KLHL32: variants seen among roughly 807,000 people sequenced by gnomAD.
The protein encoded by KLHL32 is kelch-like protein 32.
KLHL32 carries 35 observed loss-of-function variants against 64.8 expected under a neutral mutation model. The ratio of observed to expected loss-of-function variants is 0.54; its 90% CI spans 0.41 to 0.72. The LOEUF is 0.72. Among genes scored for constraint, KLHL32 ranks in the 30% least tolerant of loss-of-function variants. KLHL32 has a pLI of 0.00. For missense variants in KLHL32, 589 were observed against 768.5 expected (o/e 0.77, Z 2.76); for synonymous variants, 259 against 281.0 (o/e 0.92, Z 0.78).
intron 6 of KLHL32, among the ~76,000 whole-genome samples, chr6:97,111,036 G>C (rs1737132): frequency 8.6e-5 from 13 of 150,808 alleles, no homozygotes; most frequent in East Asian, 3.9e-4. Flanking sequence ...GTCTTGGGGG[G>C]GGGGGGTCTT....
chr6:96,991,259 A>G (rs1306987064), intron 3 of KLHL32, among the ~76,000 whole-genome samples: 1 of 151,994 alleles, frequency 6.6e-6, no homozygotes, highest in East Asian at 1.9e-4. Flanking sequence ...AGCCACTAGC[A>G]GTGGAAATGC....
At chr6:97,017,014 T>G (rs1410008851) in intron 3 of KLHL32, among the ~76,000 whole-genome samples, 5 of 152,198 alleles carry the variant, frequency 3.3e-5, no homozygotes, top group Non-Finnish European at 7.3e-5. Flanking sequence ...TGTGAGTCAA[T>G]TAAACCTCTT....
chr6:97,097,193 C>T (rs1476004693), intron 6 of KLHL32, among the ~76,000 whole-genome samples: 1 of 152,112 alleles, frequency 6.6e-6, no homozygotes, highest in East Asian at 1.9e-4. Context: ...TCATTTGCAC[C>T]AATCATGCCT....
At chr6:96,931,232 A>T (rs1769843011) in intron 1 of KLHL32, among the ~76,000 whole-genome samples, 2 of 152,136 alleles carry the variant, frequency 1.3e-5, no homozygotes, top group Admixed American at 6.5e-5. Flanking sequence ...CTGCACCACG[A>T]CCTCACTCAT....
chr6:96,991,212 T>A (rs1020308752), intron 3 of KLHL32, among the ~76,000 whole-genome samples: 2 of 151,958 alleles, frequency 1.3e-5, no homozygotes, highest in Non-Finnish European at 2.9e-5. Flanking sequence ...AGAGGGTCTG[T>A]TGGTTGCCTC....
At position 96,936,993 on chromosome 6, in the gene KLHL32, C is replaced by T. The variant is rs148929193; in HGVS notation, c.-66+11967C>T. ...TAAAATTACAACCTGCCCACCACCC[C>T]AACCCCTTCACTCTCAATTCATCTT... is the stretch of plus-strand genomic sequence containing the variant. On this transcript the variant is annotated intron_variant, in intron 1 of 10. Transcript: ENST00000369261. Among the ~76,000 whole-genome samples, 399 of 152,170 alleles carry T rather than the reference C, an allele frequency of 2.6e-3. 5 individuals are homozygous for T. Among genetic ancestry groups the T allele is most frequent in the African/African-American group, 9.3e-3 (388 of 41,504 alleles).
intron 3 of KLHL32, among the ~76,000 whole-genome samples, chr6:97,001,277 A>G (rs149962363): frequency 6.7e-4 from 102 of 152,274 alleles, no homozygotes; most frequent in Non-Finnish European, 1.3e-3. Flanking sequence ...GGAAGGAGCT[A>G]TGTGGAACTC....
chr6:96,962,450 G>A (rs1412453028), intron 1 of KLHL32, among the ~76,000 whole-genome samples: 1 of 152,160 alleles, frequency 6.6e-6, no homozygotes, highest in East Asian at 1.9e-4. Context: ...CCTCTGGAGA[G>A]CTTGGAGACG....
chr6:97,113,729 T>C (rs1797481883), intron 6 of KLHL32, 54 bp from the exon 7 acceptor site: 1 of 1,576,478 alleles, frequency 6.3e-7, no homozygotes, highest in Non-Finnish European at 8.6e-7. Flanking sequence ...GCTGTTGCTT[T>C]CTCTTTCTTT....
intron 3 of KLHL32, among the ~76,000 whole-genome samples, chr6:97,024,151 A>G (rs1313987960): frequency 1.3e-5 from 2 of 152,252 alleles, no homozygotes; most frequent in Non-Finnish European, 2.9e-5. Flanking sequence ...CAGAAAAAGT[A>G]GCACTATTAA....
At chr6:96,979,583 A>G (rs949529228) in intron 3 of KLHL32, among the ~76,000 whole-genome samples, 1 of 152,024 alleles carries the variant, frequency 6.6e-6, no homozygotes, top group African/African-American at 2.4e-5. Flanking sequence ...ACTTCAAACT[A>G]TACTACAAAC....
At chr6:96,911,888 GA>G in the KLHL32 span, among the ~76,000 whole-genome samples, 1 of 110,696 alleles carries the variant, frequency 9.0e-6, no homozygotes, top group Non-Finnish European at 1.7e-5. Context: ...CTTAAATACA[GA>G]TTTCCTCCAT....
chr6:97,137,332 C>T (rs1011334007), intron 10 of KLHL32, among the ~76,000 whole-genome samples: 6 of 151,974 alleles, frequency 3.9e-5, no homozygotes, highest in Non-Finnish European at 8.8e-5. Context: ...ACAGAGAAAA[C>T]GTTTGTATTT....
rs757233900 is a variant in KLHL32, at chr6:97,059,582, A to G, written c.313-5046A>G. Among the ~76,000 whole-genome samples, 3 of 152,216 alleles carry G rather than the reference A, an allele frequency of 2.0e-5. No individual in the cohort carries two copies. The East Asian group carries it at 5.8e-4, about 29-fold the overall frequency. ...TTTCTTTCTTAAAAATAAACTTCAGATGTCAGATATAGATGTGCAGTGCAT... is the reference window on the plus strand; with the variant it reads ...TTTCTTTCTTAAAAATAAACTTCAGGTGTCAGATATAGATGTGCAGTGCAT... On this transcript the variant is annotated intron_variant, in intron 4 of 10. Transcript: ENST00000369261.
chr6:96,922,982 G>A (rs1009492136), upstream of KLHL32, among the ~76,000 whole-genome samples: 3 of 152,122 alleles, frequency 2.0e-5, no homozygotes, highest in African/African-American at 7.2e-5. Context: ...ATGTGTCAAT[G>A]AACAATATTT....
chr6:97,124,161 A>AG (rs1268141470), intron 7 of KLHL32, among the ~76,000 whole-genome samples: 1 of 152,190 alleles, frequency 6.6e-6, no homozygotes, highest in Admixed American at 6.5e-5. Context: ...ATTATTTCAA[A>AG]GGGGAAGGCA....
intron 1 of KLHL32, among the ~76,000 whole-genome samples, chr6:96,955,504 G>GA (rs1170249134): frequency 6.6e-6 from 1 of 152,084 alleles, no homozygotes; most frequent in Non-Finnish European, 1.5e-5. Context: ...AGAGAAAGAT[G>GA]AAAAAAATAT....
chr6:96,962,407 T>C (rs1387593469), intron 1 of KLHL32, among the ~76,000 whole-genome samples: 1 of 152,106 alleles, frequency 6.6e-6, no homozygotes, highest in Non-Finnish European at 1.5e-5. Flanking sequence ...TTAAGAAATT[T>C]TTGCTGTGTT....
chr6:96,982,189 C>G (rs1440786983), intron 3 of KLHL32, among the ~76,000 whole-genome samples: 1 of 152,084 alleles, frequency 6.6e-6, no homozygotes, highest in Non-Finnish European at 1.5e-5. Flanking sequence ...TTATTTAAGT[C>G]TCTTTATAGG....
Sources: gnomAD v4.1 joint callset for allele counts (sites outside exome capture counted in the v4.1 genomes callset) on GRCh38, gnomAD v4.1.1 for gene constraint, MANE v1.5 for transcripts, NCBI Gene and HGNC (gene_info 2026-07-23, HGNC 2026-07-21) for gene names.